Variants in GRIK2 observed in about 807,000 individuals in gnomAD.
The protein encoded by GRIK2 is glutamate receptor ionotropic, kainate 2.
Under a neutral mutation model 100.3 loss-of-function variants are expected in GRIK2, and 32 were observed. The ratio of observed to expected loss-of-function variants is 0.32; its 90% confidence interval spans 0.24 to 0.43. The LOEUF (loss-of-function observed/expected upper bound fraction) is 0.43. Among genes scored for constraint, GRIK2 ranks in the 20% least tolerant of loss-of-function variants. The pLI is 1.00. For synonymous variants in GRIK2, 417 were observed against 389.4 expected, an observed-to-expected ratio of 1.07 and a Z score of -0.83; for missense variants, 843 against 1,114.9, an observed-to-expected ratio of 0.76 and a Z score of 3.47.
intron 2 of GRIK2, among the ~76,000 whole-genome samples, chr6:101,587,866 A>G (rs1778453765): frequency 6.6e-6 from 1 of 152,090 alleles, no homozygotes; most frequent in Non-Finnish European, 1.5e-5. Context: ...CTGAACTACT[A>G]AAAAATGCAC....
chr6:102,062,868 A>T (rs1377205188), intron 16 of GRIK2, among the ~76,000 whole-genome samples: 1 of 150,628 alleles, frequency 6.6e-6, no homozygotes, highest in Non-Finnish European at 1.5e-5. Flanking sequence ...GTAAAATATT[A>T]TATCTTATAT....
chr6:101,609,364 A>G (rs181391930), intron 2 of GRIK2, among the ~76,000 whole-genome samples: 340 of 151,992 alleles, frequency 2.2e-3, no homozygotes, highest in Middle Eastern at 6.8e-3. Context: ...AAAGAGTAAG[A>G]ATTTTTAAAA....
intron 2 of GRIK2, among the ~76,000 whole-genome samples, chr6:101,514,393 AAGC>A (rs909643403): frequency 2.6e-5 from 4 of 152,144 alleles, no homozygotes; most frequent in South Asian, 4.1e-4. Flanking sequence ...AGGAAGAAGA[AAGC>A]AGAAGGAAGA....
At chr6:101,937,292 T>G (rs185842907) in intron 14 of GRIK2, among the ~76,000 whole-genome samples, 1 of 152,246 alleles carries the variant, frequency 6.6e-6, no homozygotes, top group East Asian at 1.9e-4. Context: ...CAAGGACCAT[T>G]CCTGCTGTTT....
chr6:101,450,625 C>A (rs1043746426), intron 2 of GRIK2, among the ~76,000 whole-genome samples: 1 of 151,644 alleles, frequency 6.6e-6, no homozygotes, highest in South Asian at 2.1e-4. Flanking sequence ...AGTAACTACT[C>A]GGTGTTTCCT....
intron 7 of GRIK2, among the ~76,000 whole-genome samples, chr6:101,700,278 G>C (rs887059300): frequency 6.6e-6 from 1 of 151,754 alleles, no homozygotes; most frequent in Non-Finnish European, 1.5e-5. Context: ...ACTAAGTACA[G>C]GACACCCCTG....
intron 2 of GRIK2, among the ~76,000 whole-genome samples, chr6:101,475,446 G>A (rs1193958607): frequency 6.6e-6 from 1 of 151,962 alleles, no homozygotes; most frequent in Non-Finnish European, 1.5e-5. Flanking sequence ...ATAAAAAGTT[G>A]TTTAGTACAC....
At chr6:101,907,525 A>G (rs927098600) in intron 12 of GRIK2, among the ~76,000 whole-genome samples, 1 of 151,734 alleles carries the variant, frequency 6.6e-6, no homozygotes, top group Non-Finnish European at 1.5e-5. Flanking sequence ...GACCGCCTGC[A>G]GTGCACCACA....
intron 2 of GRIK2, among the ~76,000 whole-genome samples, chr6:101,408,855 A>G (rs910128430): frequency 3.3e-5 from 5 of 152,110 alleles, no homozygotes; most frequent in African/African-American, 9.7e-5. Context: ...TCAAGTTGAC[A>G]TATAAAATTA....
intron 14 of GRIK2, among the ~76,000 whole-genome samples, chr6:101,935,842 T>G (rs1417856823): frequency 1.3e-5 from 2 of 152,006 alleles, no homozygotes; most frequent in African/African-American, 4.8e-5. Context: ...CCCCTCAATA[T>G]TCCTTTGCAG....
intron 7 of GRIK2, among the ~76,000 whole-genome samples, chr6:101,755,161 G>GTTTTTTTTTTTTTTTT (rs1157640683): frequency 2.9e-5 from 3 of 102,958 alleles, no homozygotes; most frequent in South Asian, 3.8e-4. Flanking sequence ...TTTCTTTTTG[G>GTTTTTTTTTTTTTTTT]TTTTTTTTTT....
intron 10 of GRIK2, among the ~76,000 whole-genome samples, chr6:101,820,537 C>A (rs1465102643): frequency 2.0e-5 from 3 of 152,120 alleles, no homozygotes; most frequent in African/African-American, 7.2e-5. Context: ...ACTCCACCTC[C>A]CAGGTTCAAA....
intron 7 of GRIK2, among the ~76,000 whole-genome samples, chr6:101,795,178 A>G (rs947227851): frequency 3.3e-5 from 5 of 151,752 alleles, no homozygotes; most frequent in Non-Finnish European, 7.4e-5. Flanking sequence ...GCTTTTTTCA[A>G]TTTTTTTGGA....
intron 2 of GRIK2, among the ~76,000 whole-genome samples, chr6:101,441,447 G>T (rs1770047781): frequency 6.6e-6 from 1 of 152,152 alleles, no homozygotes; most frequent in South Asian, 2.1e-4. Context: ...TATGGTGAGA[G>T]AACAAGTTTT....
At chr6:102,035,302 A>G (rs1199965653) in intron 14 of GRIK2, 39 bp from the exon 15 acceptor site, 2 of 1,187,416 alleles carry the variant, frequency 1.7e-6, no homozygotes, top group African/African-American at 3.0e-5. Context: ...AAACTAAAGA[A>G]TAACTTTCTC....
At chr6:102,053,733 G>A (rs1771325212) in intron 15 of GRIK2, among the ~76,000 whole-genome samples, 1 of 152,042 alleles carries the variant, frequency 6.6e-6, no homozygotes, top group Non-Finnish European at 1.5e-5. Flanking sequence ...ATGGATGGAT[G>A]GACTGATTGG....
intron 4 of GRIK2, among the ~76,000 whole-genome samples, chr6:101,652,431 A>G (rs918494843): frequency 1.3e-5 from 2 of 152,172 alleles, no homozygotes; most frequent in African/African-American, 4.8e-5. Flanking sequence ...TTCAGCCTCT[A>G]GAACTGTAGG....
rs578161132 is a variant in GRIK2, at chr6:101,688,905, T to G, written c.951+2552T>G. 5.3e-5 allele frequency among the ~76,000 whole-genome samples: 8 copies of G among 152,038 alleles called. No individual in the cohort carries two copies. In the South Asian group the frequency reaches 1.7e-3, roughly 32 times the overall value. On this transcript the variant is annotated intron_variant, in intron 7 of 16. Transcript: ENST00000369134. Reference sequence around the variant, plus strand: ...TTAAAATCCTTTCATCATATAACATTGTACCAAAATTTTAAAAAAATACAT... The same window carrying G: ...TTAAAATCCTTTCATCATATAACATGGTACCAAAATTTTAAAAAAATACAT...
chr6:101,595,376 G>A (rs992905395), intron 2 of GRIK2, among the ~76,000 whole-genome samples: 59 of 151,682 alleles, frequency 3.9e-4, no homozygotes, highest in African/African-American at 1.4e-3. Flanking sequence ...CACAAAAGTA[G>A]TCTTAGACAA....
Sources: allele counts gnomAD v4.1 joint callset (sites outside exome capture counted in the v4.1 genomes callset), GRCh38; gene constraint gnomAD v4.1.1; transcripts MANE v1.5; gene names NCBI Gene and HGNC (gene_info 2026-07-23, HGNC 2026-07-21).